BCAS3: variants seen among roughly 807,000 people sequenced by gnomAD.
BCAS3 encodes BCAS4/BCAS3 fusion.
BCAS3 carries 53 observed loss-of-function variants against 116.1 expected under a neutral mutation model. That is an observed-to-expected ratio of 0.46 (90% CI 0.37 to 0.57). The LOEUF (loss-of-function observed/expected upper bound fraction) is 0.57. Among genes scored for constraint, BCAS3 ranks in the 20% least tolerant of loss-of-function variants. BCAS3 has a pLI of 0.00. For missense variants in BCAS3, 917 were observed against 1,165.4 expected (o/e 0.79, Z 3.10); for synonymous variants, 391 against 408.2 (o/e 0.96, Z 0.51).
At chr17:61,283,166 G>T (rs917922656) in intron 22 of BCAS3, among the ~76,000 whole-genome samples, 5 of 152,138 alleles carry the variant, frequency 3.3e-5, no homozygotes, top group Admixed American at 2.6e-4. Flanking sequence ...TTCCTTCAGA[G>T]ATTTTACCGT....
At chr17:60,862,084 C>A (rs189879791) in intron 7 of BCAS3, among the ~76,000 whole-genome samples, 1 of 152,246 alleles carries the variant, frequency 6.6e-6, no homozygotes, top group East Asian at 1.9e-4. Flanking sequence ...GAGATTGAGA[C>A]CGTCCTGGCT....
chr17:61,274,360 C>T (rs977140248), intron 22 of BCAS3, among the ~76,000 whole-genome samples: 4 of 144,828 alleles, frequency 2.8e-5, no homozygotes, highest in Non-Finnish European at 4.5e-5. Flanking sequence ...ACAATCTCTG[C>T]TCACTGCAAC....
intron 7 of BCAS3, among the ~76,000 whole-genome samples, chr17:60,867,069 CT>C (rs2054658864): frequency 6.7e-6 from 1 of 148,692 alleles, no homozygotes; most frequent in Admixed American, 6.7e-5. Flanking sequence ...ATTTAGAGGT[CT>C]TTTAGGCCAT....
chr17:60,946,248 C>A (rs1396201939), intron 13 of BCAS3, among the ~76,000 whole-genome samples: 2 of 152,156 alleles, frequency 1.3e-5, no homozygotes, highest in African/African-American at 2.4e-5. Flanking sequence ...AATAAGTTAA[C>A]CTTGTCCATG....
intron 22 of BCAS3, among the ~76,000 whole-genome samples, chr17:61,170,454 GGC>G (rs2078779025): frequency 1.3e-5 from 2 of 151,772 alleles, no homozygotes; most frequent in African/African-American, 2.4e-5. Flanking sequence ...CACCACGCCC[GGC>G]TAATTTTTTG....
chr17:60,795,235 T>C (rs2047109999), intron 6 of BCAS3, among the ~76,000 whole-genome samples: 1 of 152,188 alleles, frequency 6.6e-6, no homozygotes, highest in South Asian at 2.1e-4. Flanking sequence ...TGTTGGTGTA[T>C]AGAAGAACTA....
chr17:61,169,309 A>C (rs946956403), intron 22 of BCAS3, among the ~76,000 whole-genome samples: 2 of 152,242 alleles, frequency 1.3e-5, no homozygotes, highest in African/African-American at 2.4e-5. Context: ...GTTTTTGAGA[A>C]GTCTGGAATG....
At chr17:61,351,099 A>G (rs2143335939) in intron 22 of BCAS3, among the ~76,000 whole-genome samples, 1 of 152,322 alleles carries the variant, frequency 6.6e-6, no homozygotes, top group South Asian at 2.1e-4. Flanking sequence ...TCATTCAGTA[A>G]ACAATTATTG....
rs144661726 is a variant in BCAS3 at position 61,161,735 on chromosome 17, G to C, written c.2425+77171G>C. Among the ~76,000 whole-genome samples the C allele has an allele frequency of 6.6e-6, 1 of 152,232 alleles. No individual in the cohort carries two copies. The highest frequency in any genetic ancestry group is 2.4e-5 in the African/African-American group (1 of 41,530). Reference sequence around the variant, plus strand: ...GCCCCTCCCCTCAGCACACATACCAGCCCCCGCAATTCCAGTTTCATGGTG... The same window carrying C: ...GCCCCTCCCCTCAGCACACATACCACCCCCCGCAATTCCAGTTTCATGGTG... On this transcript the variant is annotated intron_variant, in intron 22 of 23. Coordinates refer to ENST00000407086, the MANE Select transcript of BCAS3 (RefSeq NM_017679.5). The surrounding 1 kb of genome is among the most constrained non-coding windows in gnomAD (Gnocchi z 4.8).
Position 61,041,948 on chromosome 17 carries a change from C to G in BCAS3, c.2029+1056C>G, listed in dbSNP as rs1187346893. Among the ~76,000 whole-genome samples, 1 of 151,902 alleles carries G rather than the reference C, an allele frequency of 6.6e-6. No individual in the cohort carries two copies. The highest frequency in any genetic ancestry group is 1.5e-5 in the Non-Finnish European group (1 of 67,950). Reference sequence around the variant, plus strand: ...TCTCTCCTCAATGAATTCCCTAATTCAGGAGATAGACATTTAATAAAAAAG... The same window carrying G: ...TCTCTCCTCAATGAATTCCCTAATTGAGGAGATAGACATTTAATAAAAAAG... On this transcript the variant is annotated intron_variant, in intron 19 of 23. Transcript: ENST00000407086. This position sits in a 1 kb window ranked among gnomAD's most constrained non-coding sequence, Gnocchi z 4.7.
chr17:60,723,101 T>C (rs2039426062), intron 5 of BCAS3, among the ~76,000 whole-genome samples: 2 of 152,210 alleles, frequency 1.3e-5, no homozygotes, highest in Admixed American at 6.5e-5. Flanking sequence ...AATTTTATAA[T>C]GTATATAAGG....
chr17:60,814,310 C>CGTGCGCGCGT (rs1555731509), intron 7 of BCAS3, among the ~76,000 whole-genome samples: 2 of 135,652 alleles, frequency 1.5e-5, no homozygotes, highest in African/African-American at 6.3e-5. Context: ...TGTGTGTGCG[C>CGTGCGCGCGT]GCGTGCCCAT....
intron 19 of BCAS3, among the ~76,000 whole-genome samples, chr17:61,060,688 C>T (rs780267509): frequency 6.6e-6 from 1 of 152,168 alleles, no homozygotes; most frequent in African/African-American, 2.4e-5. Context: ...AAACGTTAGA[C>T]GTACATAGTA....
At chr17:61,299,374 C>T (rs1568790246) in intron 22 of BCAS3, among the ~76,000 whole-genome samples, 2 of 130,608 alleles carry the variant, frequency 1.5e-5, no homozygotes, top group Non-Finnish European at 3.1e-5. Context: ...ACCTGGGAGG[C>T]GGAGCTTGCA....
At chr17:60,834,786 A>C (rs114815206) in intron 7 of BCAS3, among the ~76,000 whole-genome samples, 216 of 152,066 alleles carry the variant, frequency 1.4e-3, no homozygotes, top group African/African-American at 5.0e-3. Context: ...TTTGTTTATC[A>C]TAACTGATAA....
At chr17:61,373,820 T>A (rs2143560881) in intron 23 of BCAS3, among the ~76,000 whole-genome samples, 1 of 138,450 alleles carries the variant, frequency 7.2e-6, no homozygotes, top group African/African-American at 2.6e-5. Flanking sequence ...TTTTTTTTTT[T>A]TTTTTTTTGC....
intron 10 of BCAS3, among the ~76,000 whole-genome samples, chr17:60,899,258 C>T (rs1482032978): frequency 6.6e-6 from 1 of 151,964 alleles, no homozygotes; most frequent in Non-Finnish European, 1.5e-5. Context: ...GTGGGGCTCA[C>T]CCCCCAGTCC....
At chr17:60,794,379 C>G (rs976214430) in intron 6 of BCAS3, among the ~76,000 whole-genome samples, 3 of 152,018 alleles carry the variant, frequency 2.0e-5, no homozygotes, top group Non-Finnish European at 4.4e-5. Context: ...CTGACTGTTC[C>G]TTTTGCTATG....
chr17:60,755,972 T>G (rs2042950262), intron 6 of BCAS3, among the ~76,000 whole-genome samples: 1 of 152,202 alleles, frequency 6.6e-6, no homozygotes, highest in African/African-American at 2.4e-5. Context: ...GTAGCTACTT[T>G]GAAATATATA....
Sources: gnomAD v4.1 joint callset for allele counts (sites outside exome capture counted in the v4.1 genomes callset) on GRCh38, gnomAD v4.1.1 for gene constraint, Gnocchi (gnomAD v3.1) non-coding constraint, MANE v1.5 for transcripts, NCBI Gene and HGNC (gene_info 2026-07-23, HGNC 2026-07-21) for gene names.